The following C11orf65 variants were observed in gnomAD, a reference collection of about 807,000 sequenced individuals.
The protein encoded by C11orf65 is chromosome 11 open reading frame 65, also known as protein MFI.
Under a neutral mutation model 35.3 loss-of-function variants are expected in C11orf65, and 38 were observed. That is an observed-to-expected ratio of 1.08 (90% confidence interval 0.83 to 1.41). The LOEUF is 1.41. Among genes scored for constraint, C11orf65 ranks in the 40% most tolerant of loss-of-function variants. The probability of loss-of-function intolerance (pLI) is 0.00; values close to 1 mark genes in which losing one functional copy is unlikely to be tolerated. For synonymous variants in C11orf65, 105 were observed against 114.4 expected, an observed-to-expected ratio of 0.92 and a Z score of 0.53; for missense variants, 370 against 367.1, an observed-to-expected ratio of 1.01 and a Z score of -0.06.
chr11:108,446,535 C>T (rs1479803929), intron 2 of C11orf65, among the ~76,000 whole-genome samples: 1 of 151,630 alleles, frequency 6.6e-6, no homozygotes, highest in Admixed American at 6.6e-5. Context: ...CCAAACTAAG[C>T]TTCATCAGTG....
intron 2 of C11orf65, among the ~76,000 whole-genome samples, chr11:108,377,432 C>T (rs899049581): frequency 7.2e-5 from 11 of 152,018 alleles, no homozygotes; most frequent in African/African-American, 2.7e-4. Context: ...ATTCAACAAC[C>T]CTTCATGCTA....
chr11:108,360,213 C>T (rs1261121103), intron 2 of C11orf65, among the ~76,000 whole-genome samples: 1 of 150,390 alleles, frequency 6.6e-6, no homozygotes, highest in Non-Finnish European at 1.5e-5. Flanking sequence ...GGATAAATTC[C>T]TCGACACATA....
intron 3 of C11orf65, among the ~76,000 whole-genome samples, chr11:108,416,656 C>T (rs958422773): frequency 3.3e-5 from 5 of 151,992 alleles, no homozygotes; most frequent in Non-Finnish European, 7.4e-5. Context: ...CCAGCCTGGG[C>T]GACAGAAACT....
intron 2 of C11orf65, chr11:108,365,930 G>A (rs2091295081): frequency 5.5e-6 from 1 of 182,018 alleles, no homozygotes; most frequent in Admixed American, 5.7e-5. Context: ...TCGAGAGGCT[G>A]AGGCAGGAGA....
chr11:108,340,109 G>A (rs1283388121), intron 2 of C11orf65: 1 of 152,018 alleles, frequency 6.6e-6, no homozygotes, highest in Non-Finnish European at 1.5e-5. Context: ...TGTTAGAGAT[G>A]GTACCACCTT....
chr11:108,334,324 A>G (rs536154538), intron 3 of C11orf65, among the ~76,000 whole-genome samples: 1 of 152,192 alleles, frequency 6.6e-6, no homozygotes, highest in African/African-American at 2.4e-5. Flanking sequence ...TAAAAATTCT[A>G]TGTGCAGTAA....
At chr11:108,361,360 T>G (rs921177636) in intron 2 of C11orf65, among the ~76,000 whole-genome samples, 2 of 150,616 alleles carry the variant, frequency 1.3e-5, no homozygotes, top group Admixed American at 6.6e-5. Context: ...ATTGTGAAAA[T>G]GGCCATACTG....
At chr11:108,370,871 C>T (rs1049762866) in intron 2 of C11orf65, among the ~76,000 whole-genome samples, 1 of 152,114 alleles carries the variant, frequency 6.6e-6, no homozygotes, top group African/African-American at 2.4e-5. Flanking sequence ...TGCTTGCAAA[C>T]GTTTTGGTTA....
intron 2 of C11orf65, among the ~76,000 whole-genome samples, chr11:108,344,536 G>A (rs2088041924): frequency 6.6e-6 from 1 of 152,176 alleles, no homozygotes; most frequent in Non-Finnish European, 1.5e-5. Context: ...AGTAATATCA[G>A]ACTTGCATTT....
chr11:108,326,628 C>T (rs906317942), downstream of C11orf65, among the ~76,000 whole-genome samples: 4 of 152,110 alleles, frequency 2.6e-5, no homozygotes, highest in African/African-American at 9.7e-5. Context: ...AATCCAAATG[C>T]TTTGAAAATA....
At chr11:108,422,589 G>T (rs1411915481) in intron 3 of C11orf65, among the ~76,000 whole-genome samples, 1 of 152,118 alleles carries the variant, frequency 6.6e-6, no homozygotes, top group African/African-American at 2.4e-5. Context: ...GGAAGAATGA[G>T]AATGTTGACC....
At position 108,325,591 on chromosome 11, in the gene C11orf65, T is replaced by G. The variant is rs1439838236; in HGVS notation, c.641-16520A>C. On this transcript the variant is annotated intron_variant, in intron 6 of 6. Coordinates refer to the C11orf65 transcript ENST00000525729. ...GTCATCTTACCTCTTGACTTTCCTTTTATTATTTAAAAAACAGAAAGCCTG... is the reference window on the plus strand; with the variant it reads ...GTCATCTTACCTCTTGACTTTCCTTGTATTATTTAAAAAACAGAAAGCCTG... The G allele has an allele frequency of 8.1e-6, 12 of 1,480,456 alleles. No homozygotes were observed. The African/African-American group carries it at 1.5e-4, about 19-fold the overall frequency. The allele number at this position is 1,480,456 out of a possible 1,614,324, so 91.7% of individuals were successfully genotyped here.
chr11:108,321,198 T>C (rs2085179954), intron 6 of C11orf65: 2 of 1,458,048 alleles, frequency 1.4e-6, no homozygotes, highest in African/African-American at 1.4e-5. Flanking sequence ...ATTAGATCAG[T>C]AGCAAAGCCT....
At chr11:108,354,990 C>T (rs2089722521) in intron 2 of C11orf65, 3 of 898,078 alleles carry the variant, frequency 3.3e-6, no homozygotes, top group Non-Finnish European at 5.4e-6. Flanking sequence ...GGGGATGTGG[C>T]TGGGCAGCAG....
In C11orf65 at chr11:108,446,711, G is replaced by A. The variant is rs553720276; in HGVS notation, c.81+14768C>T. Among the ~76,000 whole-genome samples the A allele has an allele frequency of 7.2e-4, 109 of 152,280 alleles. 2 individuals carry two copies. The highest frequency in any genetic ancestry group is 2.5e-3 in the African/African-American group (103 of 41,530). ...ATGTAAAGACCATCAAGGCTAGGAA[G>A]AAACTGCATCAACTAACGAGCAAAA... On this transcript the variant is annotated intron_variant, in intron 2 of 8. Transcript: ENST00000393084.
At chr11:108,358,958 A>G (rs568835093) in intron 2 of C11orf65, among the ~76,000 whole-genome samples, 2 of 152,302 alleles carry the variant, frequency 1.3e-5, no homozygotes, top group South Asian at 4.1e-4. Context: ...TTAACTTTAA[A>G]TGTATATGGA....
chr11:108,407,202 T>A lies in C11orf65; in HGVS notation c.175-53A>T, dbSNP rs2092557879. ...ATTATTCTTCAGGATTCTGTATGTA[T>A]CAATTCACTATTTCTCACTCTATTA... is the stretch of plus-strand genomic sequence containing the variant. On this transcript the variant is annotated intron_variant, in intron 3 of 8. Coordinates refer to ENST00000393084, the MANE Select transcript of C11orf65 (RefSeq NM_152587.5). The A allele has an allele frequency of 2.4e-6, 3 of 1,240,006 alleles. No homozygotes were observed. The Admixed American group carries it at 6.7e-5, about 28-fold the overall frequency. The allele number at this position is 1,240,006 out of a possible 1,614,324, so 76.8% of individuals were successfully genotyped here. A position where few individuals can be genotyped will look rare whatever the true frequency, so the allele number is the denominator to read the frequency against.
chr11:108,458,355 CAAAAAAA>C (rs755107073), intron 2 of C11orf65, among the ~76,000 whole-genome samples: 2 of 35,862 alleles, frequency 5.6e-5, no homozygotes, highest in East Asian at 8.2e-4. Flanking sequence ...GACTCTGTCT[CAAAAAAA>C]AAAAAAAAAA....
chr11:108,447,684 A>G (rs2093283593), intron 2 of C11orf65, among the ~76,000 whole-genome samples: 1 of 152,166 alleles, frequency 6.6e-6, no homozygotes, highest in Admixed American at 6.5e-5. Flanking sequence ...AGAAAGCAGG[A>G]AAGATCCAAA....
Sources: allele counts gnomAD v4.1 joint callset (sites outside exome capture counted in the v4.1 genomes callset), GRCh38; gene constraint gnomAD v4.1.1; transcripts MANE v1.5; gene names NCBI Gene and HGNC (gene_info 2026-07-23, HGNC 2026-07-21).